Variants in CCDC90B observed in about 807,000 individuals in gnomAD.
The protein encoded by CCDC90B is coiled-coil domain-containing protein 90B, mitochondrial.
A neutral mutation model predicts 37.0 loss-of-function variants in CCDC90B; 24 were observed. The observed-to-expected ratio is 0.65, with a 90% confidence interval of 0.47 to 0.91. CCDC90B has a LOEUF of 0.91. Ranked by LOEUF, CCDC90B falls within the 40% of genes least tolerant of loss-of-function variation. The probability of loss-of-function intolerance (pLI) is 0.00; values close to 1 mark genes in which losing one functional copy is unlikely to be tolerated. For synonymous variants in CCDC90B, 113 were observed against 101.1 expected (o/e 1.12, Z -0.71); for missense variants, 319 against 299.0 (o/e 1.07, Z -0.49).
intron 2 of CCDC90B, among the ~76,000 whole-genome samples, chr11:83,279,053 G>A (rs1865218876): frequency 6.6e-6 from 1 of 152,218 alleles, no homozygotes; most frequent in African/African-American, 2.4e-5. Context: ...GGAGGCCGAG[G>A]TGGGCAGATC....
chr11:83,282,612 C>A (rs539361486), intron 1 of CCDC90B, among the ~76,000 whole-genome samples: 87 of 152,330 alleles, frequency 5.7e-4, no homozygotes, highest in Middle Eastern at 6.8e-3. Context: ...TTTAATTCCA[C>A]AAACATGCCA....
intron 7 of CCDC90B, among the ~76,000 whole-genome samples, chr11:83,271,239 A>G (rs1261723734): frequency 6.6e-6 from 1 of 152,220 alleles, no homozygotes; most frequent in African/African-American, 2.4e-5. Flanking sequence ...CTAAAACACC[A>G]AAAGCAATGG....
intron 1 of CCDC90B, among the ~76,000 whole-genome samples, chr11:83,283,822 C>T (rs1210498429): frequency 1.3e-5 from 2 of 152,090 alleles, no homozygotes; most frequent in Non-Finnish European, 2.9e-5. Context: ...ACTAGCTGGG[C>T]ATGGTGGTGT....
chr11:83,274,713 G>T lies in CCDC90B; in HGVS notation c.352C>A (p.His118Asn). 1 of 1,610,566 alleles carries T rather than the reference G, an allele frequency of 6.2e-7. No individual in the cohort carries two copies. The highest frequency in any genetic ancestry group is 1.1e-5 in the South Asian group (1 of 90,754). ...QEITVQQLMA[H>N]LDAIRKDMVI... ...ATGTCTTTCCTGATAGCATCCAAAT[G>T]AGCCATTAGCTGTTGTACTGTTATT... The change falls in exon 4 of 9, where the codon CAT becomes AAT. Residue 118 changes from histidine (H) to asparagine (N), a missense_variant. His to Asn is a moderately conservative substitution (Grantham distance 68). Transcript: ENST00000529689.
chr11:83,272,574 A>G (rs943814296), intron 7 of CCDC90B, among the ~76,000 whole-genome samples: 1 of 152,180 alleles, frequency 6.6e-6, no homozygotes, highest in African/African-American at 2.4e-5. Flanking sequence ...GATGGGTAAC[A>G]CTGATACAGG....
intron 6 of CCDC90B, 30 bp from the exon 7 acceptor site, chr11:83,273,730 A>T: frequency 1.2e-6 from 2 of 1,602,512 alleles, no homozygotes; most frequent in Non-Finnish European, 1.7e-6. Context: ...AGGAAGTTAA[A>T]AAAAAAGTCT....
intron 8 of CCDC90B, among the ~76,000 whole-genome samples, chr11:83,265,207 G>T (rs1341388615): frequency 6.6e-6 from 1 of 152,124 alleles, no homozygotes; most frequent in Non-Finnish European, 1.5e-5. Context: ...CCTGTAATTG[G>T]GTCAGGTCAG....
rs1323523484 is a variant in CCDC90B, at chr11:83,259,602, TA to T, written c.*2308del. The T allele has an allele frequency of 6.6e-6, 1 of 152,192 alleles. No homozygotes were observed. The highest frequency in any genetic ancestry group is 2.4e-5 in the African/African-American group (1 of 41,452). The allele number at this position is 152,192 out of a possible 1,614,324, so 9.4% of individuals were successfully genotyped here. On this transcript the variant is annotated 3_prime_UTR_variant, in exon 9 of 9. Transcript: ENST00000529689. ...GAATATAACTAAGATGAAGAATGAA[TA>T]AACTAATATAGAGGCCTAAAAAACA...
At position 83,262,388 on chromosome 11, in the gene CCDC90B, T is replaced by A. The variant is rs529554089; in HGVS notation, c.710-422A>T. 9.1e-4 allele frequency among the ~76,000 whole-genome samples: 139 copies of A among 152,298 alleles called. 1 individual carries two copies. The highest frequency in any genetic ancestry group is 7.7e-3 in the South Asian group (37 of 4,828). ...TTTAATTGCCTTTTCAGTACATTTT[T>A]AAATAATTTCTCATAATTCTTAATA... On this transcript the variant is annotated intron_variant, in intron 8 of 8. Transcript: ENST00000529689.
chr11:83,284,898 T>C (rs1158881378), intron 1 of CCDC90B, among the ~76,000 whole-genome samples: 2 of 152,144 alleles, frequency 1.3e-5, no homozygotes, highest in East Asian at 3.8e-4. Flanking sequence ...GTAAAATCCA[T>C]CATAATGTGT....
chr11:83,281,533 A>G (rs1244851177), intron 1 of CCDC90B, among the ~76,000 whole-genome samples: 1 of 152,218 alleles, frequency 6.6e-6, no homozygotes, highest in Admixed American at 6.5e-5. Flanking sequence ...AGCTGTAAAT[A>G]AAGGTGGAGC....
At chr11:83,279,181 T>C (rs1337559567) in intron 2 of CCDC90B, among the ~76,000 whole-genome samples, 1 of 151,936 alleles carries the variant, frequency 6.6e-6, no homozygotes, top group Non-Finnish European at 1.5e-5. Context: ...CTCGGGAGGC[T>C]GAGGCAGGAG....
At position 83,286,309 on chromosome 11, in the gene CCDC90B, T is replaced by G; in HGVS notation, c.-337A>C. 2 of 946,776 alleles carry G rather than the reference T, an allele frequency of 2.1e-6. No homozygotes were observed. The highest frequency in any genetic ancestry group is 3.1e-6 in the Non-Finnish European group (2 of 648,250). The allele number at this position is 946,776 out of a possible 1,614,324, so 58.6% of individuals were successfully genotyped here. A position where few individuals can be genotyped will look rare whatever the true frequency, so the allele number is the denominator to read the frequency against. On this transcript the variant is annotated 5_prime_UTR_variant, in exon 1 of 9. Coordinates refer to ENST00000529689, the MANE Select transcript of CCDC90B (RefSeq NM_021825.5). ...AGTGGGGCATAGTCCAACAGCTGGCTCCCCCAAGATAGCCAGCGGCCATTA... is the reference window on the plus strand; with the variant it reads ...AGTGGGGCATAGTCCAACAGCTGGCGCCCCCAAGATAGCCAGCGGCCATTA...
chr11:83,262,244 GACT>G (rs1292810868), intron 8 of CCDC90B, among the ~76,000 whole-genome samples: 10 of 149,808 alleles, frequency 6.7e-5, no homozygotes, highest in Admixed American at 5.9e-4. Context: ...TAGCATTATT[GACT>G]ACTTTAAATA....
Position 83,261,687 on chromosome 11 carries a change from G to A in CCDC90B, c.*224C>T. On this transcript the variant is annotated 3_prime_UTR_variant, in exon 9 of 9. Transcript: ENST00000529689. ...TGCTCTTCTATCTCAAACCAGGTCT[G>A]AGTGACAGCTTTTCAATATAATAAA... 2.9e-6 allele frequency: 1 copy of A among 343,908 alleles called. No homozygotes were observed. Among genetic ancestry groups the A allele is most frequent in the African/African-American group, 2.1e-5 (1 of 47,042 alleles). 21.3% of individuals were successfully genotyped at this position (343,908 alleles called of 1,614,324 possible).
chr11:83,280,089 C>T (rs1170508798), intron 2 of CCDC90B, 52 bp downstream of exon 2: 2 of 1,575,464 alleles, frequency 1.3e-6, no homozygotes, highest in African/African-American at 2.7e-5. Flanking sequence ...CTTAACTAGG[C>T]ATTATGAGTG....
chr11:83,274,707 C>T lies in CCDC90B; in HGVS notation c.358G>A (p.Asp120Asn). The change falls in exon 4 of 9, where the codon GAT (aspartate) becomes AAT (asparagine). Residue 120 changes from aspartate (D) to asparagine (N), a missense_variant. By Grantham distance (23) the Asp-to-Asn change is conservative (BLOSUM62 1). Transcript: ENST00000529689. ...ITVQQLMAHL[D>N]AIRKDMVILE... ...ATGACCATGTCTTTCCTGATAGCAT[C>T]CAAATGAGCCATTAGCTGTTGTACT... 1 of 1,610,838 alleles carries T rather than the reference C, an allele frequency of 6.2e-7. No individual in the cohort carries two copies. The highest frequency in any genetic ancestry group is 8.5e-7 in the Non-Finnish European group (1 of 1,178,102).
chr11:83,268,237 C>T (rs1864415060), intron 7 of CCDC90B, among the ~76,000 whole-genome samples: 1 of 152,260 alleles, frequency 6.6e-6, no homozygotes, highest in South Asian at 2.1e-4. Context: ...ATGACAGGAT[C>T]AAATTCACAC....
intron 8 of CCDC90B, 77 bp from the exon 9 acceptor site, chr11:83,262,043 T>G (rs1445299921): frequency 5.0e-6 from 5 of 1,004,044 alleles, no homozygotes; most frequent in Non-Finnish European, 7.3e-6. Context: ...AATGTTATCT[T>G]TAAGTGAAGA....
Sources: gnomAD v4.1 joint callset for allele counts (sites outside exome capture counted in the v4.1 genomes callset) on GRCh38, gnomAD v4.1.1 for gene constraint, MANE v1.5 for transcripts, NCBI Gene and HGNC (gene_info 2026-07-23, HGNC 2026-07-21) for gene names.